The following CHODL variants were observed in gnomAD, a reference collection of about 807,000 sequenced individuals.
CHODL encodes the protein transmembrane protein MT75.
Under a neutral mutation model 34.5 loss-of-function variants are expected in CHODL, and 29 were observed. The observed-to-expected ratio is 0.84, with a 90% CI of 0.63 to 1.15. The LOEUF (loss-of-function observed/expected upper bound fraction) is 1.15. CHODL is among the 50% of genes most tolerant of loss of function. The probability of loss-of-function intolerance (pLI) is 0.00; values close to 1 mark genes in which losing one functional copy is unlikely to be tolerated. For synonymous variants in CHODL, 125 were observed against 116.1 expected, an observed-to-expected ratio of 1.08 and a Z score of -0.49; for missense variants, 332 against 332.5, an observed-to-expected ratio of 1.00 and a Z score of 0.01.
At position 18,163,457 on chromosome 21, in the gene CHODL, T is replaced by C. The variant is rs145983082; in HGVS notation, c.-44-93052T>C. On this transcript the variant is annotated intron_variant, in intron 2 of 6. Coordinates refer to the CHODL transcript ENST00000400127. ...ATTGCCTTTTTTTTCCCCTAGAGAG[T>C]AAATGTGAAAGACAGTTCTCATATT... is the stretch of plus-strand genomic sequence containing the variant. 2.3e-4 allele frequency among the ~76,000 whole-genome samples: 35 copies of C among 152,240 alleles called. 2 individuals are homozygous for C. The East Asian group carries it at 6.8e-3, about 29-fold the overall frequency.
intron 2 of CHODL, among the ~76,000 whole-genome samples, chr21:18,081,223 A>C (rs1240379706): frequency 6.6e-6 from 1 of 152,126 alleles, no homozygotes. Context: ...CAAATCTAAG[A>C]GTTTTTTGGT....
intron 2 of CHODL, among the ~76,000 whole-genome samples, chr21:18,138,521 T>G (rs2072764459): frequency 6.6e-6 from 1 of 152,166 alleles, no homozygotes; most frequent in Non-Finnish European, 1.5e-5. Context: ...TGGAGATTCC[T>G]TTTATTTACA....
chr21:18,248,978 T>TATATATTATAC (rs1397280003), intron 1 of CHODL, among the ~76,000 whole-genome samples: 1 of 111,874 alleles, frequency 8.9e-6, no homozygotes, highest in African/African-American at 4.1e-5. Flanking sequence ...TATATGTAAA[T>TATATATTATAC]ATATATTATA....
chr21:17,927,592 T>A (rs770408925), intron 1 of CHODL, among the ~76,000 whole-genome samples: 87 of 152,332 alleles, frequency 5.7e-4, no homozygotes, highest in Non-Finnish European at 1.1e-3. Flanking sequence ...GCCCTGGGGC[T>A]CCTGCTTTCA....
chr21:18,141,874 T>C (rs1355193539), intron 2 of CHODL, among the ~76,000 whole-genome samples: 1 of 152,026 alleles, frequency 6.6e-6, no homozygotes, highest in Non-Finnish European at 1.5e-5. Flanking sequence ...GACTAGGCAA[T>C]GTGAAAGTTT....
intron 5 of CHODL, among the ~76,000 whole-genome samples, chr21:18,265,310 C>CACATATATATATAT (rs1555887739): frequency 2.7e-5 from 4 of 147,150 alleles, no homozygotes; most frequent in African/African-American, 5.1e-5. Context: ...CACACACACA[C>CACATATATATATAT]ATATATATAT....
chr21:18,062,514 C>A (rs916260061), intron 2 of CHODL, among the ~76,000 whole-genome samples: 8 of 151,992 alleles, frequency 5.3e-5, no homozygotes, highest in African/African-American at 1.9e-4. Context: ...GACTGTAATC[C>A]CAGCACTTTG....
chr21:18,126,222 C>A (rs148268943), intron 2 of CHODL, among the ~76,000 whole-genome samples: 324 of 152,260 alleles, frequency 2.1e-3, no homozygotes, highest in Middle Eastern at 0.01. Flanking sequence ...CCATCTACAT[C>A]GAGGAAAGAT....
At chr21:17,959,434 GC>G (rs1343724601) in intron 1 of CHODL, among the ~76,000 whole-genome samples, 1 of 152,108 alleles carries the variant, frequency 6.6e-6, no homozygotes, top group African/African-American at 2.4e-5. Context: ...AAATTAACAA[GC>G]CATTTGGGAT....
chr21:18,087,904 T>A (rs1488061258), intron 2 of CHODL, among the ~76,000 whole-genome samples: 3 of 152,118 alleles, frequency 2.0e-5, no homozygotes, highest in Non-Finnish European at 4.4e-5. Flanking sequence ...GAGGCTTGGC[T>A]GCAGAGGCCT....
chr21:18,126,876 C>G (rs1481006345), intron 2 of CHODL, among the ~76,000 whole-genome samples: 1 of 152,108 alleles, frequency 6.6e-6, no homozygotes, highest in African/African-American at 2.4e-5. Flanking sequence ...ACAGAAATGA[C>G]AATAGATTAA....
chr21:17,924,048 A>G (rs1357735442), intron 1 of CHODL, among the ~76,000 whole-genome samples: 1 of 152,126 alleles, frequency 6.6e-6, no homozygotes, highest in East Asian at 1.9e-4. Context: ...AGTTTGAGGG[A>G]TAGAGTGTCT....
At chr21:18,121,920 C>T (rs544746628) in intron 2 of CHODL, among the ~76,000 whole-genome samples, 30 of 152,164 alleles carry the variant, frequency 2.0e-4, no homozygotes, top group African/African-American at 5.8e-4. Flanking sequence ...TCCCATTTTT[C>T]GAAGTGTAAA....
At chr21:17,959,128 G>A (rs2063513934) in intron 1 of CHODL, among the ~76,000 whole-genome samples, 1 of 152,124 alleles carries the variant, frequency 6.6e-6, no homozygotes, top group South Asian at 2.1e-4. Flanking sequence ...TTCACAAAAA[G>A]TGGCCACCAA....
At chr21:18,243,141 A>G (rs889545672), upstream of CHODL, among the ~76,000 whole-genome samples, 1 of 152,212 alleles carries the variant, frequency 6.6e-6, no homozygotes, top group Admixed American at 6.5e-5. Flanking sequence ...ATGCCTCCAA[A>G]TGAATTTCTT....
At chr21:18,167,047 T>C (rs949624810) in intron 2 of CHODL, among the ~76,000 whole-genome samples, 1 of 152,174 alleles carries the variant, frequency 6.6e-6, no homozygotes, top group African/African-American at 2.4e-5. Context: ...CAACTTGTTT[T>C]GTTTTTCTAT....
chr21:17,997,467 A>T (rs934708601), intron 1 of CHODL, among the ~76,000 whole-genome samples: 1 of 152,226 alleles, frequency 6.6e-6, no homozygotes, highest in Non-Finnish European at 1.5e-5. Flanking sequence ...GATATTGGAA[A>T]ATGACTCTTT....
chr21:18,059,237 A>T (rs1464983673), intron 2 of CHODL, among the ~76,000 whole-genome samples: 1 of 152,154 alleles, frequency 6.6e-6, no homozygotes, highest in Non-Finnish European at 1.5e-5. Flanking sequence ...GGCCATCTAC[A>T]GGCCAGAAAG....
chr21:18,113,070 G>GA (rs144044846), intron 2 of CHODL, among the ~76,000 whole-genome samples: 8,077 of 152,034 alleles, frequency 0.053, 384 homozygotes, highest in African/African-American at 0.12. Context: ...AACTCTATAG[G>GA]AAAAAAATCT....
Sources: gnomAD v4.1 joint callset for allele counts (sites outside exome capture counted in the v4.1 genomes callset) on GRCh38, gnomAD v4.1.1 for gene constraint, MANE v1.5 for transcripts, NCBI Gene and HGNC (gene_info 2026-07-23, HGNC 2026-07-21) for gene names.